PELI2: variants seen among roughly 807,000 people sequenced by gnomAD.
PELI2 encodes the protein E3 ubiquitin-protein ligase pellino homolog 2.
In PELI2, 23 loss-of-function variants were observed where a neutral mutation model predicts 42.3. The ratio of observed to expected loss-of-function variants is 0.54; its 90% CI spans 0.39 to 0.77. The LOEUF (loss-of-function observed/expected upper bound fraction) is 0.77, where lower values mean the gene tolerates loss of function less well. Among genes scored for constraint, PELI2 ranks in the 30% least tolerant of loss-of-function variants. The pLI is 0.00. For synonymous variants in PELI2, 245 were observed against 212.2 expected (o/e 1.15, Z -1.34); for missense variants, 463 against 553.2 (o/e 0.84, Z 1.64).
rs534987862 is a variant in PELI2, at chr14:56,243,999, A to G, written c.208-35677A>G. Among the ~76,000 whole-genome samples, 6 of 152,308 alleles carry G rather than the reference A, an allele frequency of 3.9e-5. No homozygotes were observed. The South Asian group carries it at 1.2e-3, about 32-fold the overall frequency. On this transcript the variant is annotated intron_variant, in intron 2 of 5. Coordinates refer to ENST00000267460, the MANE Select transcript of PELI2 (RefSeq NM_021255.3). ...TTATGAAACTTTGTCAAATAGGGGC[A>G]TAAAACCCCCAATGCTTTTGAGTCA...
chr14:56,290,353 G>A lies in PELI2; in HGVS notation c.593G>A (p.Gly198Asp), dbSNP rs1217374782. ...GTCCTGGTGATGCATCCACGAGGGGGCTTCACCGAGGAGTCCCAGCCCGGG... is the reference window on the plus strand; with the variant it reads ...GTCCTGGTGATGCATCCACGAGGGGACTTCACCGAGGAGTCCCAGCCCGGG... ...NGVLVMHPRG[G>D]FTEESQPGVW... Residue 198 changes from glycine to aspartate, a missense_variant, in exon 5 of 6, where the codon GGC becomes GAC. Coordinates refer to ENST00000267460, the MANE Select transcript of PELI2 (RefSeq NM_021255.3). 6.2e-7 allele frequency: 1 copy of A among 1,613,620 alleles called. No homozygotes were observed. Among genetic ancestry groups the A allele is most frequent in the Non-Finnish European group, 8.5e-7 (1 of 1,179,644 alleles).
At chr14:56,130,575 C>G (rs1883449401) in intron 1 of PELI2, among the ~76,000 whole-genome samples, 1 of 151,926 alleles carries the variant, frequency 6.6e-6, no homozygotes, top group African/African-American at 2.4e-5. Context: ...CTTATATTAA[C>G]TTTTTTGGGA....
intron 2 of PELI2, among the ~76,000 whole-genome samples, chr14:56,243,110 C>T (rs1210540152): frequency 2.6e-5 from 4 of 151,810 alleles, no homozygotes; most frequent in Admixed American, 1.3e-4. Flanking sequence ...AGATGTCTGT[C>T]TGGTTGATTT....
At chr14:56,152,789 T>G (rs1486539151) in intron 1 of PELI2, among the ~76,000 whole-genome samples, 1 of 152,242 alleles carries the variant, frequency 6.6e-6, no homozygotes, top group Non-Finnish European at 1.5e-5. Flanking sequence ...TAGATATATT[T>G]GTAAAAAGAT....
chr14:56,250,992 A>AC (rs953639609), intron 2 of PELI2, among the ~76,000 whole-genome samples: 1 of 151,156 alleles, frequency 6.6e-6, no homozygotes, highest in Non-Finnish European at 1.5e-5. Context: ...CCTCAGCCTG[A>AC]CCCCCTGGGG....
intron 2 of PELI2, among the ~76,000 whole-genome samples, chr14:56,278,036 A>G (rs1019491431): frequency 6.6e-6 from 1 of 152,232 alleles, no homozygotes; most frequent in South Asian, 2.1e-4. Flanking sequence ...TTTATGCAAT[A>G]TGTATATGCC....
chr14:56,220,113 C>G (rs1283995367), intron 2 of PELI2, among the ~76,000 whole-genome samples: 1 of 152,200 alleles, frequency 6.6e-6, no homozygotes, highest in Non-Finnish European at 1.5e-5. Flanking sequence ...TCCCTTGCTT[C>G]TGTTCTCTTT....
chr14:56,206,818 T>C (rs559955078), intron 2 of PELI2, among the ~76,000 whole-genome samples: 1 of 152,320 alleles, frequency 6.6e-6, no homozygotes, highest in African/African-American at 2.4e-5. Context: ...TGGAACTCTG[T>C]CAAGTATTTT....
intron 2 of PELI2, among the ~76,000 whole-genome samples, chr14:56,226,227 C>A (rs922054327): frequency 2.6e-5 from 4 of 152,204 alleles, no homozygotes; most frequent in African/African-American, 7.2e-5. Flanking sequence ...GCAAGGATTT[C>A]GCTCCCAGGT....
chr14:56,155,316 T>G (rs1566609905), intron 1 of PELI2, among the ~76,000 whole-genome samples: 1 of 152,114 alleles, frequency 6.6e-6, no homozygotes, highest in Non-Finnish European at 1.5e-5. Flanking sequence ...GATGAATAAT[T>G]AACTGTTATT....
At chr14:56,139,301 A>G (rs1045079644) in intron 1 of PELI2, among the ~76,000 whole-genome samples, 3 of 152,114 alleles carry the variant, frequency 2.0e-5, no homozygotes, top group Non-Finnish European at 4.4e-5. Flanking sequence ...GTGGGATTGA[A>G]AAATAGTGGG....
intron 1 of PELI2, among the ~76,000 whole-genome samples, chr14:56,174,274 G>C (rs1288109605): frequency 2.6e-5 from 4 of 152,212 alleles, no homozygotes; most frequent in Non-Finnish European, 4.4e-5. Flanking sequence ...TGCTGCTGCT[G>C]TCTGATCATC....
chr14:56,268,844 C>T (rs1594700480), intron 2 of PELI2, among the ~76,000 whole-genome samples: 1 of 152,098 alleles, frequency 6.6e-6, no homozygotes, highest in Non-Finnish European at 1.5e-5. Flanking sequence ...TGGTATGTGA[C>T]GCTTTCAGAT....
chr14:56,233,305 A>T (rs147504792), intron 2 of PELI2, among the ~76,000 whole-genome samples: 61,147 of 151,900 alleles, frequency 0.4, 13,004 homozygotes, highest in South Asian at 0.53. Flanking sequence ...AAGTCAATCC[A>T]AAGCCAAAAG....
At chr14:56,218,870 T>G (rs1887014308) in intron 2 of PELI2, among the ~76,000 whole-genome samples, 1 of 152,192 alleles carries the variant, frequency 6.6e-6, no homozygotes, top group Non-Finnish European at 1.5e-5. Flanking sequence ...ACAGAAAATT[T>G]TGTCAACATT....
In PELI2 at chr14:56,296,829, C is replaced by T. The variant is rs1346179478; in HGVS notation, c.926C>T (p.Ala309Val). 6.2e-7 allele frequency: 1 copy of T among 1,614,138 alleles called. No individual in the cohort carries two copies. Among genetic ancestry groups the T allele is most frequent in the Admixed American group, 1.7e-5 (1 of 60,026 alleles). ...GTGGTGGAGGAGAAGCAGCCCTGGGCATATCTCAGTTGTGGCCACGTGCAC... is the reference window on the plus strand; with the variant it reads ...GTGGTGGAGGAGAAGCAGCCCTGGGTATATCTCAGTTGTGGCCACGTGCAC... ...KEVVEEKQPW[A>V]YLSCGHVHGY... The change falls in exon 6 of 6, where the codon GCA (alanine) becomes GTA (valine). Residue 309 changes from alanine to valine, a missense_variant. By Grantham distance (64) the Ala-to-Val change is moderately conservative. Coordinates refer to ENST00000267460, the MANE Select transcript of PELI2 (RefSeq NM_021255.3).
At chr14:56,142,228 GAATC>G (rs1883938517) in intron 1 of PELI2, among the ~76,000 whole-genome samples, 1 of 152,146 alleles carries the variant, frequency 6.6e-6, no homozygotes, top group Non-Finnish European at 1.5e-5. Flanking sequence ...CTGTTGGATA[GAATC>G]AAGACATGCC....
chr14:56,171,947 C>T (rs1251985295), intron 1 of PELI2, among the ~76,000 whole-genome samples: 1 of 151,826 alleles, frequency 6.6e-6, no homozygotes, highest in African/African-American at 2.4e-5. Context: ...ACTCGAGAGG[C>T]GGAGGTTGTC....
intron 1 of PELI2, among the ~76,000 whole-genome samples, chr14:56,139,600 A>G (rs1057034089): frequency 1.3e-5 from 2 of 152,106 alleles, no homozygotes; most frequent in Non-Finnish European, 2.9e-5. Context: ...AAGTACCTGA[A>G]GGTCTTTTTA....
Sources: allele counts gnomAD v4.1 joint callset (sites outside exome capture counted in the v4.1 genomes callset), GRCh38; gene constraint gnomAD v4.1.1; transcripts MANE v1.5; gene names NCBI Gene and HGNC (gene_info 2026-07-23, HGNC 2026-07-21).